ROBO2: variants seen among roughly 807,000 people sequenced by gnomAD.
The protein encoded by ROBO2 is roundabout guidance receptor 2, also known as roundabout homolog 2.
ROBO2 carries 53 observed loss-of-function variants against 160.8 expected under a neutral mutation model. The ratio of observed to expected loss-of-function variants is 0.33; its 90% CI spans 0.26 to 0.41. The LOEUF (loss-of-function observed/expected upper bound fraction) is 0.41, where lower values mean the gene tolerates loss of function less well. Ranked by LOEUF, ROBO2 falls within the 10% of genes least tolerant of loss-of-function variation. The pLI is 1.00. For missense variants in ROBO2, 1,577 were observed against 1,722.4 expected (o/e 0.92, Z 1.49); for synonymous variants, 664 against 611.7 (o/e 1.09, Z -1.26).
intron 2 of ROBO2, among the ~76,000 whole-genome samples, chr3:76,327,465 T>C (rs2073121624): frequency 6.6e-6 from 1 of 152,166 alleles, no homozygotes; most frequent in African/African-American, 2.4e-5. Context: ...TATTAAAAGC[T>C]AGCTAGAATT....
chr3:76,388,396 C>G (rs369531954), intron 2 of ROBO2, among the ~76,000 whole-genome samples: 1 of 151,826 alleles, frequency 6.6e-6, no homozygotes, highest in Non-Finnish European at 1.5e-5. Flanking sequence ...CTCAGCCTCC[C>G]GAGTAGCTGG....
chr3:76,793,026 A>G (rs1458858539), intron 2 of ROBO2, among the ~76,000 whole-genome samples: 6 of 151,858 alleles, frequency 4.0e-5, no homozygotes, highest in Non-Finnish European at 1.5e-5. Context: ...TAAAGGCAAT[A>G]TAATAAGTGT....
At chr3:77,506,275 G>T (rs1419460942) in intron 5 of ROBO2, among the ~76,000 whole-genome samples, 1 of 152,116 alleles carries the variant, frequency 6.6e-6, no homozygotes, top group Non-Finnish European at 1.5e-5. Flanking sequence ...AAAATAAAGT[G>T]ATTCTTCTGC....
intron 2 of ROBO2, among the ~76,000 whole-genome samples, chr3:77,374,055 A>T (rs1253535151): frequency 6.6e-6 from 1 of 151,238 alleles, no homozygotes; most frequent in Non-Finnish European, 1.5e-5. Context: ...CTGTAATCCC[A>T]GCTACTGGGG....
chr3:76,875,827 T>C (rs995360473), intron 2 of ROBO2, among the ~76,000 whole-genome samples: 18 of 152,182 alleles, frequency 1.2e-4, no homozygotes, highest in African/African-American at 3.9e-4. Flanking sequence ...TTAATTTTTG[T>C]ATTTTTAGTA....
chr3:76,222,644 G>A (rs1704042340), intron 2 of ROBO2, among the ~76,000 whole-genome samples: 1 of 152,128 alleles, frequency 6.6e-6, no homozygotes, highest in Non-Finnish European at 1.5e-5. Flanking sequence ...CATTCCTGGT[G>A]TGTGTGGGTG....
At chr3:77,288,455 C>A (rs781241812) in intron 2 of ROBO2, among the ~76,000 whole-genome samples, 1 of 152,158 alleles carries the variant, frequency 6.6e-6, no homozygotes, top group Non-Finnish European at 1.5e-5. Context: ...CTCAAATCTT[C>A]ATATGGATTT....
At chr3:76,355,597 A>T (rs1384456952) in intron 2 of ROBO2, among the ~76,000 whole-genome samples, 2 of 151,780 alleles carry the variant, frequency 1.3e-5, no homozygotes, top group Admixed American at 1.3e-4. Context: ...CACGGATAAT[A>T]AGTATATCTA....
At chr3:77,554,959 T>C (rs1359366804) in intron 8 of ROBO2, among the ~76,000 whole-genome samples, 1 of 151,944 alleles carries the variant, frequency 6.6e-6, no homozygotes, top group Non-Finnish European at 1.5e-5. Flanking sequence ...GAAAAATCTT[T>C]CCTGAAAGGA....
At chr3:76,069,212 T>G (rs1013042672) in intron 2 of ROBO2, among the ~76,000 whole-genome samples, 1 of 152,214 alleles carries the variant, frequency 6.6e-6, no homozygotes, top group African/African-American at 2.4e-5. Flanking sequence ...AAGGTTATTA[T>G]TTGCAAAATT....
intron 2 of ROBO2, among the ~76,000 whole-genome samples, chr3:76,127,151 G>A (rs952589711): frequency 5.9e-5 from 9 of 152,068 alleles, no homozygotes; most frequent in African/African-American, 2.2e-4. Context: ...ATATTTCCTT[G>A]TGGGACAGTC....
intron 2 of ROBO2, among the ~76,000 whole-genome samples, chr3:77,018,487 T>A (rs576037215): frequency 6.6e-6 from 1 of 152,314 alleles, no homozygotes; most frequent in Non-Finnish European, 1.5e-5. Flanking sequence ...CTTAGGTTTC[T>A]TTTCTTACTT....
At chr3:77,481,890 C>T (rs376192263) in intron 4 of ROBO2, among the ~76,000 whole-genome samples, 48 of 151,348 alleles carry the variant, frequency 3.2e-4, no homozygotes, top group African/African-American at 7.5e-4. Flanking sequence ...TAAAGATGGC[C>T]GAGGAAACAA....
intron 2 of ROBO2, among the ~76,000 whole-genome samples, chr3:76,212,365 T>C (rs1255566752): frequency 1.3e-5 from 2 of 151,986 alleles, no homozygotes; most frequent in African/African-American, 4.8e-5. Flanking sequence ...AGAATTTCTA[T>C]TTTGTTTATT....
chr3:77,459,851 G>A (rs932204978), intron 2 of ROBO2, among the ~76,000 whole-genome samples: 15 of 146,572 alleles, frequency 1.0e-4, no homozygotes, highest in Non-Finnish European at 1.8e-4. Context: ...AGCAGAAGGG[G>A]TAGATACTAC....
chr3:77,168,854 C>A (rs1334704160), intron 2 of ROBO2, among the ~76,000 whole-genome samples: 1 of 152,124 alleles, frequency 6.6e-6, no homozygotes, highest in South Asian at 2.1e-4. Flanking sequence ...AGGGAAGGAC[C>A]ACATGTAATG....
chr3:76,088,309 G>T (rs2069098271), intron 2 of ROBO2, among the ~76,000 whole-genome samples: 1 of 151,898 alleles, frequency 6.6e-6, no homozygotes. Context: ...CCATAAATGG[G>T]CAAATCCAAC....
chr3:76,500,048 A>G (rs963755614), intron 2 of ROBO2, among the ~76,000 whole-genome samples: 7 of 152,112 alleles, frequency 4.6e-5, no homozygotes, highest in African/African-American at 1.7e-4. Flanking sequence ...AGAGTCAAAC[A>G]CCCAAACACC....
rs540315206 is a variant in ROBO2 at position 75,938,753 on chromosome 3, C to G, written c.109+1151C>G. Among the ~76,000 whole-genome samples, 458 of 152,216 alleles carry G rather than the reference C, an allele frequency of 3.0e-3. 1 individual carries two copies. The highest frequency in any genetic ancestry group is 9.8e-3 in the African/African-American group (406 of 41,550). On this transcript the variant is annotated intron_variant, in intron 2 of 26. Transcript: ENST00000487694. ...TAGATATTTTTCAAAACCACAAATG[C>G]ATGTGTGCCTTTGTATATGAATAGT...
Sources: gnomAD v4.1 joint callset for allele counts (sites outside exome capture counted in the v4.1 genomes callset) on GRCh38, gnomAD v4.1.1 for gene constraint, MANE v1.5 for transcripts, NCBI Gene and HGNC (gene_info 2026-07-23, HGNC 2026-07-21) for gene names.